PCDHA9: variants seen among roughly 807,000 people sequenced by gnomAD.
The protein encoded by PCDHA9 is protocadherin alpha 9.
Under a neutral mutation model 62.0 loss-of-function variants are expected in PCDHA9, and 62 were observed. The observed-to-expected ratio is 1.00, with a 90% CI of 0.81 to 1.23. PCDHA9 has a LOEUF of 1.23. Among genes scored for constraint, PCDHA9 ranks in the 50% most tolerant of loss-of-function variants. PCDHA9 has a pLI of 0.00. For synonymous variants in PCDHA9, 557 were observed against 567.6 expected (o/e 0.98, Z 0.27); for missense variants, 1,205 against 1,249.8 (o/e 0.96, Z 0.54).
chr5:140,863,334 G>T (rs782071935), intron 1 of PCDHA9: 24 of 1,387,574 alleles, frequency 1.7e-5, no homozygotes, highest in South Asian at 5.7e-5. Flanking sequence ...TAGTGCTCAC[G>T]TTGCTGCTGT....
At chr5:140,975,022 G>A (rs2096650178) in intron 1 of PCDHA9, among the ~76,000 whole-genome samples, 2 of 152,188 alleles carry the variant, frequency 1.3e-5, no homozygotes, top group Admixed American at 1.3e-4. Context: ...GCTGGGCTGT[G>A]TTGTCCTTTG....
At chr5:140,990,821 G>T (rs890499969) in intron 3 of PCDHA9, among the ~76,000 whole-genome samples, 1 of 152,172 alleles carries the variant, frequency 6.6e-6, no homozygotes, top group East Asian at 1.9e-4. Flanking sequence ...CCTTCTCTCA[G>T]CTAAAGCCTA....
At chr5:140,871,376 G>C in intron 1 of PCDHA9, 1 of 1,614,196 alleles carries the variant, frequency 6.2e-7, no homozygotes, top group Non-Finnish European at 8.5e-7. Flanking sequence ...CAGAGGGTGT[G>C]CTCTGAGGAG....
chr5:140,925,282 T>C (rs1371569064), intron 1 of PCDHA9, among the ~76,000 whole-genome samples: 1 of 152,184 alleles, frequency 6.6e-6, no homozygotes, highest in Admixed American at 6.5e-5. Context: ...GATTTTGCCT[T>C]TCAAATGTTT....
intron 1 of PCDHA9, among the ~76,000 whole-genome samples, chr5:140,890,896 T>A (rs2062845405): frequency 6.6e-6 from 1 of 152,182 alleles, no homozygotes; most frequent in African/African-American, 2.4e-5. Context: ...ATTATTGTCT[T>A]TCCATGTTAG....
At chr5:140,948,564 T>C (rs1329949756) in intron 1 of PCDHA9, among the ~76,000 whole-genome samples, 1 of 151,688 alleles carries the variant, frequency 6.6e-6, no homozygotes, top group Non-Finnish European at 1.5e-5. Flanking sequence ...TTAAGTTGTA[T>C]TTTTTAAAGG....
intron 1 of PCDHA9, among the ~76,000 whole-genome samples, chr5:140,855,480 A>G (rs567213059): frequency 6.7e-6 from 1 of 149,976 alleles, no homozygotes; most frequent in South Asian, 2.1e-4. Context: ...GATGCTTGAC[A>G]TTAGTGTCTA....
chr5:140,884,486 G>T, intron 1 of PCDHA9: 1 of 1,614,030 alleles, frequency 6.2e-7, no homozygotes, highest in Non-Finnish European at 8.5e-7. Flanking sequence ...GCCCACTCTA[G>T]TGTGCTCCAG....
In PCDHA9 at chr5:141,011,040, A is replaced by G. The variant is rs1467029720; in HGVS notation, c.*1103A>G. On this transcript the variant is annotated 3_prime_UTR_variant, in exon 4 of 4. Transcript: ENST00000532602. ...AATCACAGCTTTACTCTTTCAGGTCACTCTGGGGCTGCCTCTTGCATGTAT... is the reference window on the plus strand; with the variant it reads ...AATCACAGCTTTACTCTTTCAGGTCGCTCTGGGGCTGCCTCTTGCATGTAT... 1 of 153,602 alleles carries G rather than the reference A, an allele frequency of 6.5e-6. No homozygotes were observed. The highest frequency in any genetic ancestry group is 2.4e-5 in the African/African-American group (1 of 41,374). The allele number at this position is 153,602 out of a possible 1,614,324, so 9.5% of individuals were successfully genotyped here.
At chr5:141,005,095 A>T (rs1554259887) in intron 3 of PCDHA9, among the ~76,000 whole-genome samples, 1 of 152,192 alleles carries the variant, frequency 6.6e-6, no homozygotes, top group South Asian at 2.1e-4. Flanking sequence ...CTTTACATGC[A>T]TTACATCATT....
chr5:140,947,192 C>T (rs958443362), intron 1 of PCDHA9, among the ~76,000 whole-genome samples: 2 of 151,038 alleles, frequency 1.3e-5, no homozygotes, highest in Admixed American at 6.6e-5. Flanking sequence ...GTATACTACA[C>T]AGCCTTAAAA....
At chr5:140,972,983 AGATTCTGTGCATTTGT>A (rs1169514447) in intron 1 of PCDHA9, among the ~76,000 whole-genome samples, 1 of 152,102 alleles carries the variant, frequency 6.6e-6, no homozygotes, top group Admixed American at 6.6e-5. Flanking sequence ...ATCTTAAGGT[AGATTCTGTGCATTTGT>A]GGTCGTGGTG....
intron 3 of PCDHA9, among the ~76,000 whole-genome samples, chr5:140,993,224 G>A (rs547665525): frequency 6.6e-6 from 1 of 152,210 alleles, no homozygotes; most frequent in East Asian, 1.9e-4. Context: ...TTTTTGGTAT[G>A]TTCTCTCTGA....
chr5:140,916,602 C>T (rs1554197542), intron 1 of PCDHA9, among the ~76,000 whole-genome samples: 2 of 152,240 alleles, frequency 1.3e-5, no homozygotes, highest in African/African-American at 2.4e-5. Context: ...GCCTGGAATG[C>T]GGGCCTCATG....
intron 1 of PCDHA9, among the ~76,000 whole-genome samples, chr5:140,964,690 A>G (rs1554227180): frequency 2.6e-5 from 4 of 152,036 alleles, no homozygotes. Context: ...TGTGCACTTG[A>G]GAGATTAAGG....
chr5:140,895,603 T>C (rs2065070404), intron 1 of PCDHA9, among the ~76,000 whole-genome samples: 1 of 152,156 alleles, frequency 6.6e-6, no homozygotes, highest in African/African-American at 2.4e-5. Context: ...TTTGCAAAGA[T>C]TTTCTCATTG....
intron 1 of PCDHA9, chr5:140,969,483 G>C (rs531496681): frequency 1.4e-6 from 2 of 1,462,372 alleles, no homozygotes; most frequent in African/African-American, 1.4e-5. Context: ...ATCATAATCT[G>C]CTATTTCCTC....
Position 140,929,454 on chromosome 5 carries a change from C to T in PCDHA9, c.2395-49495C>T, listed in dbSNP as rs2086172726. ...AACTAAACACTCCTTCTTAGCACTTCCTGTGCCAAGAAATCTGGAAGTATA... is the reference window on the plus strand; with the variant it reads ...AACTAAACACTCCTTCTTAGCACTTTCTGTGCCAAGAAATCTGGAAGTATA... On this transcript the variant is annotated intron_variant, in intron 1 of 3. Transcript: ENST00000532602. 7 of 1,355,724 alleles carry T rather than the reference C, an allele frequency of 5.2e-6. No individual in the cohort carries two copies. In the Admixed American group the frequency reaches 8.0e-5, roughly 16 times the overall value. The allele number at this position is 1,355,724 out of a possible 1,614,324, so 84.0% of individuals were successfully genotyped here. A position where few individuals can be genotyped will look rare whatever the true frequency, so the allele number is the denominator to read the frequency against.
At chr5:140,960,737 G>T (rs2095566221) in intron 1 of PCDHA9, among the ~76,000 whole-genome samples, 1 of 145,230 alleles carries the variant, frequency 6.9e-6, no homozygotes, top group South Asian at 2.2e-4. Context: ...CATGATTTTA[G>T]TCCATGGCTA....
Sources: allele counts gnomAD v4.1 joint callset (sites outside exome capture counted in the v4.1 genomes callset), GRCh38; gene constraint gnomAD v4.1.1; transcripts MANE v1.5; gene names NCBI Gene and HGNC (gene_info 2026-07-23, HGNC 2026-07-21).